MGAT4C: variants seen among roughly 807,000 people sequenced by gnomAD.
The protein encoded by MGAT4C is alpha-1,3-mannosyl-glycoprotein 4-beta-N-acetylglucosaminyltransferase C.
Under a neutral mutation model 40.1 loss-of-function variants are expected in MGAT4C, and 19 were observed. The observed-to-expected ratio is 0.47, with a 90% CI of 0.33 to 0.70. The LOEUF is 0.70. Ranked by LOEUF, MGAT4C falls within the 30% of genes least tolerant of loss-of-function variation. The pLI is 0.02. For missense variants in MGAT4C, 491 were observed against 563.2 expected (o/e 0.87, Z 1.30); for synonymous variants, 181 against 187.1 (o/e 0.97, Z 0.27).
At chr12:86,155,824 A>T (rs1884866020) in intron 1 of MGAT4C, among the ~76,000 whole-genome samples, 1 of 152,208 alleles carries the variant, frequency 6.6e-6, no homozygotes, top group Admixed American at 6.5e-5. Context: ...GAAATGGGGA[A>T]AAGAGACACT....
At chr12:86,426,388 T>G (rs951779184) in intron 3 of MGAT4C, among the ~76,000 whole-genome samples, 2 of 152,228 alleles carry the variant, frequency 1.3e-5, no homozygotes, top group Non-Finnish European at 2.9e-5. Flanking sequence ...TTAGTGATCA[T>G]TTATAAGTCA....
chr12:86,053,455 T>G lies in MGAT4C; in HGVS notation c.-56-3732A>C, dbSNP rs544065626. On this transcript the variant is annotated intron_variant, in intron 1 of 4. Coordinates refer to ENST00000611864, the MANE Select transcript of MGAT4C (RefSeq NM_001351288.2). ...AACACAGAAGAGCAAACAGAGAAAG[T>G]GTTCTAAGACCCCCTTTCCAAGACA... is the stretch of plus-strand genomic sequence containing the variant. 3.9e-5 allele frequency among the ~76,000 whole-genome samples: 6 copies of G among 151,938 alleles called. No individual in the cohort carries two copies. In the East Asian group the frequency reaches 1.2e-3, roughly 29 times the overall value.
At chr12:86,583,237 C>A (rs992425798) in intron 2 of MGAT4C, among the ~76,000 whole-genome samples, 3 of 151,068 alleles carry the variant, frequency 2.0e-5, no homozygotes, top group Admixed American at 6.6e-5. Flanking sequence ...AGTAAAAGAC[C>A]CCTAGGGATT....
intron 3 of MGAT4C, among the ~76,000 whole-genome samples, chr12:86,395,430 G>C (rs936432661): frequency 6.6e-6 from 1 of 152,066 alleles, no homozygotes; most frequent in African/African-American, 2.4e-5. Context: ...TTTAAATTAT[G>C]CTTTTAAAAA....
At chr12:86,594,048 C>T (rs1048211570) in intron 2 of MGAT4C, among the ~76,000 whole-genome samples, 7 of 152,210 alleles carry the variant, frequency 4.6e-5, no homozygotes, top group East Asian at 1.9e-4. Context: ...AGGACAATGG[C>T]GGTTAGGGTT....
intron 1 of MGAT4C, among the ~76,000 whole-genome samples, chr12:86,767,307 T>A (rs1407318103): frequency 6.6e-6 from 1 of 152,076 alleles, no homozygotes; most frequent in Non-Finnish European, 1.5e-5. Context: ...CTCCCAAGAC[T>A]AAACCAGGAA....
intron 2 of MGAT4C, among the ~76,000 whole-genome samples, chr12:86,007,681 T>A (rs1888039591): frequency 6.6e-6 from 1 of 152,098 alleles, no homozygotes; most frequent in South Asian, 2.1e-4. Flanking sequence ...ACTCTAATGA[T>A]TTATCAAAGG....
At chr12:86,609,906 A>C (rs186295541) in intron 2 of MGAT4C, among the ~76,000 whole-genome samples, 3 of 152,238 alleles carry the variant, frequency 2.0e-5, no homozygotes, top group Non-Finnish European at 4.4e-5. Context: ...CAACTTTGAC[A>C]CTGCTTTTGC....
chr12:86,566,994 C>T (rs149835072), intron 2 of MGAT4C, among the ~76,000 whole-genome samples: 1 of 152,104 alleles, frequency 6.6e-6, no homozygotes, highest in African/African-American at 2.4e-5. Flanking sequence ...TACCATGTTC[C>T]CTATCATCCT....
chr12:86,521,392 G>A (rs995426248), intron 2 of MGAT4C, among the ~76,000 whole-genome samples: 11 of 151,750 alleles, frequency 7.2e-5, no homozygotes, highest in African/African-American at 2.2e-4. Flanking sequence ...GTATGTGGCC[G>A]TATTTCTGAG....
At chr12:86,291,804 C>T (rs953569683) in intron 4 of MGAT4C, among the ~76,000 whole-genome samples, 9 of 92,358 alleles carry the variant, frequency 9.7e-5, no homozygotes, top group Non-Finnish European at 1.7e-4. Flanking sequence ...CCAAAGATTC[C>T]GGAAATAAAC....
At chr12:86,206,530 G>A (rs922437671) in intron 1 of MGAT4C, among the ~76,000 whole-genome samples, 2 of 152,092 alleles carry the variant, frequency 1.3e-5, no homozygotes, top group Non-Finnish European at 2.9e-5. Context: ...GAAACCTACT[G>A]ATTTTTTTTG....
At chr12:86,715,297 AGCAAGCAT>A (rs1394415865) in intron 2 of MGAT4C, among the ~76,000 whole-genome samples, 2 of 152,270 alleles carry the variant, frequency 1.3e-5, no homozygotes, top group African/African-American at 4.8e-5. Context: ...GAAACAAAAA[AGCAAGCAT>A]GCTAATTTGT....
At chr12:86,006,643 T>C (rs566823121) in intron 2 of MGAT4C, among the ~76,000 whole-genome samples, 1 of 152,288 alleles carries the variant, frequency 6.6e-6, no homozygotes, top group East Asian at 1.9e-4. Flanking sequence ...ACTTACCCTG[T>C]AGAGTCGGCT....
At chr12:86,745,104 G>C (rs1481055137) in intron 1 of MGAT4C, 2 of 151,578 alleles carry the variant, frequency 1.3e-5, no homozygotes, top group South Asian at 4.1e-4. Flanking sequence ...CTAGAGGGTA[G>C]TTAGAGCTAC....
intron 2 of MGAT4C, among the ~76,000 whole-genome samples, chr12:86,005,772 T>A (rs533539807): frequency 1.4e-4 from 21 of 152,328 alleles, no homozygotes; most frequent in Admixed American, 3.9e-4. Context: ...AAAAGACCTA[T>A]GTGGTCAATT....
intron 3 of MGAT4C, among the ~76,000 whole-genome samples, chr12:86,411,864 G>C (rs1276034487): frequency 6.6e-6 from 1 of 152,080 alleles, no homozygotes. Context: ...CAGACTCAGG[G>C]CCTCACTACT....
intron 2 of MGAT4C, among the ~76,000 whole-genome samples, chr12:86,617,551 G>T (rs1962489935): frequency 6.6e-6 from 1 of 152,276 alleles, no homozygotes. Flanking sequence ...AGCCAGGCGT[G>T]GTGGCAGATG....
At chr12:86,298,830 C>T (rs1156351026) in intron 4 of MGAT4C, among the ~76,000 whole-genome samples, 2 of 151,892 alleles carry the variant, frequency 1.3e-5, no homozygotes, top group East Asian at 1.9e-4. Context: ...CTCAACAGTC[C>T]AGCAGTTAGT....
Sources: allele counts gnomAD v4.1 joint callset (sites outside exome capture counted in the v4.1 genomes callset), GRCh38; gene constraint gnomAD v4.1.1; transcripts MANE v1.5; gene names NCBI Gene and HGNC (gene_info 2026-07-23, HGNC 2026-07-21).